Variants in BAZ2B observed in about 807,000 individuals in gnomAD.
BAZ2B encodes bromodomain adjacent to zinc finger domain 2B.
In BAZ2B, 91 loss-of-function variants were observed where a neutral mutation model predicts 246.0. The observed-to-expected ratio is 0.37, with a 90% CI of 0.31 to 0.44. The LOEUF is 0.44. Among genes scored for constraint, BAZ2B ranks in the 20% least tolerant of loss-of-function variants. The pLI, the probability that BAZ2B is intolerant of heterozygous loss-of-function variation, is 1.00. For synonymous variants in BAZ2B, 855 were observed against 860.0 expected, an observed-to-expected ratio of 0.99 and a Z score of 0.10; for missense variants, 2,332 against 2,533.7, an observed-to-expected ratio of 0.92 and a Z score of 1.71.
Position 159,325,687 on chromosome 2 carries a change from TAGG to T in BAZ2B, c.6172_6174del (p.Pro2058del), listed in dbSNP as rs1558948524. On this transcript the variant is annotated inframe_deletion, in exon 35 of 37. Transcript: ENST00000392783. ...GCTAGGTCCTTGGAGTCATCTCTTT[TAGG>T]TTTCTTAACTGAAGTAAAACTTTCT... The T allele has an allele frequency of 3.1e-6, 5 of 1,594,444 alleles. No homozygotes were observed. Among genetic ancestry groups the T allele is most frequent in the Non-Finnish European group, 4.3e-6 (5 of 1,175,780 alleles).
intron 1 of BAZ2B, among the ~76,000 whole-genome samples, chr2:159,574,440 T>C (rs1264735794): frequency 6.6e-6 from 1 of 152,126 alleles, no homozygotes; most frequent in Non-Finnish European, 1.5e-5. Context: ...TGCAAAACAT[T>C]GCAGCCACTT....
At chr2:159,326,557 G>A (rs1457578427) in intron 34 of BAZ2B, among the ~76,000 whole-genome samples, 1 of 152,154 alleles carries the variant, frequency 6.6e-6, no homozygotes, top group Admixed American at 6.5e-5. Context: ...AAACAACATA[G>A]AAAGAAATGA....
chr2:159,389,196 G>T, intron 21 of BAZ2B, 149 bp downstream of exon 21: 1 of 790,466 alleles, frequency 1.3e-6, no homozygotes, highest in East Asian at 2.8e-5. Flanking sequence ...TAGCTATCTA[G>T]GAAAGGCAAA....
chr2:159,411,817 G>T (rs1053183752), intron 14 of BAZ2B: 10 of 419,616 alleles, frequency 2.4e-5, no homozygotes, highest in Non-Finnish European at 2.9e-5. Flanking sequence ...AGTACTTTTT[G>T]ATTTTAATGT....
At chr2:159,357,732 A>G (rs1204160527) in intron 27 of BAZ2B, among the ~76,000 whole-genome samples, 1 of 152,244 alleles carries the variant, frequency 6.6e-6, no homozygotes, top group Non-Finnish European at 1.5e-5. Flanking sequence ...CGGGTTACCT[A>G]CAAAGGGAAA....
At chr2:159,456,802 G>C (rs536547496) in intron 3 of BAZ2B, among the ~76,000 whole-genome samples, 1 of 152,210 alleles carries the variant, frequency 6.6e-6, no homozygotes, top group South Asian at 2.1e-4. Flanking sequence ...TCTATATTTA[G>C]TAAAGTATAC....
At chr2:159,654,717 G>C in the BAZ2B span, among the ~76,000 whole-genome samples, 1 of 152,204 alleles carries the variant, frequency 6.6e-6, no homozygotes, top group Non-Finnish European at 1.5e-5. Flanking sequence ...GCTCACACCT[G>C]TAATTCCTGC....
At chr2:159,400,247 A>G (rs548624178) in intron 17 of BAZ2B, among the ~76,000 whole-genome samples, 1 of 152,338 alleles carries the variant, frequency 6.6e-6, no homozygotes, top group African/African-American at 2.4e-5. Flanking sequence ...TACTTCTGTA[A>G]ACATTTGTTT....
chr2:159,329,548 C>T (rs910139026), intron 34 of BAZ2B, among the ~76,000 whole-genome samples: 25 of 152,238 alleles, frequency 1.6e-4, no homozygotes, highest in African/African-American at 5.3e-4. Flanking sequence ...CACACACATA[C>T]ACGCAGAGTA....
At chr2:159,652,784 AT>A in the BAZ2B span, among the ~76,000 whole-genome samples, 3 of 151,068 alleles carry the variant, frequency 2.0e-5, no homozygotes, top group South Asian at 4.2e-4. Flanking sequence ...TGCCTGGCTA[AT>A]TTTTTTGGTT....
At chr2:159,494,981 C>G (rs2151049979) in intron 2 of BAZ2B, among the ~76,000 whole-genome samples, 1 of 152,130 alleles carries the variant, frequency 6.6e-6, no homozygotes, top group Non-Finnish European at 1.5e-5. Flanking sequence ...GTGATAGTAC[C>G]TGGGTACTAG....
intron 18 of BAZ2B, 80 bp downstream of exon 18, chr2:159,398,749 T>C: frequency 7.6e-7 from 1 of 1,311,110 alleles, no homozygotes; most frequent in Non-Finnish European, 1.1e-6. Context: ...AGAAAGCTAT[T>C]TTTTCATATA....
At chr2:159,690,714 G>A in the BAZ2B span, among the ~76,000 whole-genome samples, 21 of 152,108 alleles carry the variant, frequency 1.4e-4, no homozygotes, top group Non-Finnish European at 2.5e-4. Context: ...CTCTGCTGGT[G>A]TAGTGCAAAA....
chr2:159,653,200 A>G, the BAZ2B span, among the ~76,000 whole-genome samples: 1 of 152,188 alleles, frequency 6.6e-6, no homozygotes, highest in South Asian at 2.1e-4. Context: ...TTGGCCTCCC[A>G]AAGTGCTGGG....
At chr2:159,707,760 G>A in the BAZ2B span, among the ~76,000 whole-genome samples, 1 of 152,182 alleles carries the variant, frequency 6.6e-6, no homozygotes, top group Non-Finnish European at 1.5e-5. Context: ...CTGGGAGGCG[G>A]AGGTTGCAGT....
intron 26 of BAZ2B, among the ~76,000 whole-genome samples, 177 bp from the exon 27 acceptor site, chr2:159,373,366 G>T (rs933987665): frequency 6.6e-6 from 1 of 152,178 alleles, no homozygotes; most frequent in African/African-American, 2.4e-5. Flanking sequence ...TATAAAGATA[G>T]AAATCATTTT....
At chr2:159,420,414 G>A (rs746551523) in intron 13 of BAZ2B, among the ~76,000 whole-genome samples, 3 of 151,964 alleles carry the variant, frequency 2.0e-5, no homozygotes, top group East Asian at 1.9e-4. Flanking sequence ...GCAACATCTC[G>A]AAGAAAAAAA....
chr2:159,449,478 T>A (rs2074736960), intron 4 of BAZ2B, among the ~76,000 whole-genome samples: 1 of 152,192 alleles, frequency 6.6e-6, no homozygotes, highest in Non-Finnish European at 1.5e-5. Context: ...TAAAAACTTT[T>A]CTAGGAATAT....
intron 18 of BAZ2B, 38 bp from the exon 19 acceptor site, chr2:159,397,427 G>T: frequency 7.4e-7 from 1 of 1,348,362 alleles, no homozygotes; most frequent in Non-Finnish European, 1.0e-6. Context: ...GATTTTTAGA[G>T]AAGATTTAGA....
Sources: allele counts gnomAD v4.1 joint callset (sites outside exome capture counted in the v4.1 genomes callset), GRCh38; gene constraint gnomAD v4.1.1; transcripts MANE v1.5; gene names NCBI Gene and HGNC (gene_info 2026-07-23, HGNC 2026-07-21).